OPHN1: variants seen among roughly 807,000 people sequenced by gnomAD.
OPHN1 encodes the protein oligophrenin-1.
A neutral mutation model predicts 60.7 loss-of-function variants in OPHN1; 11 were observed. That is an observed-to-expected ratio of 0.18 (90% CI 0.11 to 0.30). The LOEUF (loss-of-function observed/expected upper bound fraction) is 0.30, where lower values mean the gene tolerates loss of function less well. OPHN1 is among the 10% of genes least tolerant of loss of function. OPHN1 has a pLI of 1.00. For missense variants in OPHN1, 449 were observed against 611.0 expected (o/e 0.73, Z 2.80); for synonymous variants, 226 against 222.6 (o/e 1.02, Z -0.14).
intron 2 of OPHN1, among the ~76,000 whole-genome samples, chrX:68,413,327 G>A (rs748482389): frequency 9.0e-6 from 1 of 111,273 alleles, no homozygotes; most frequent in Non-Finnish European, 1.9e-5. Flanking sequence ...CTGCAGCTTC[G>A]TCTATCAGAA....
chrX:68,310,988 C>T (rs1024477706), intron 2 of OPHN1, among the ~76,000 whole-genome samples: 1 of 112,320 alleles, frequency 8.9e-6, no homozygotes, highest in African/African-American at 3.2e-5. Flanking sequence ...GGTGCCATGG[C>T]TCATGCCTGT....
chrX:68,335,209 T>A (rs5965550), intron 2 of OPHN1, among the ~76,000 whole-genome samples: 35,756 of 107,082 alleles, frequency 0.33, 8,037 homozygotes, highest in African/African-American at 0.81. Context: ...GAAGATACGT[T>A]AGGTGCCCAA....
In OPHN1 at chrX:68,048,175, T is replaced by C. The variant is rs2768572; in HGVS notation, c.*8+241A>G. 0.21 allele frequency among the ~76,000 whole-genome samples: 23,121 copies of C among 111,147 alleles called. 2,969 individuals carry two copies. Among genetic ancestry groups the C allele is most frequent in the African/African-American group, 0.47 (14,243 of 30,338 alleles). On this transcript the variant is annotated intron_variant, in intron 24 of 24. Transcript: ENST00000355520. ...GATTCAAAGGCAATCTGTAAAAGCG[T>C]GCCATAGTTTGGCTAGGAGAAAAAG...
rs182234024 is a variant in OPHN1 at position 68,269,177 on chromosome X, G to C, written c.384+5561C>G. Among the ~76,000 whole-genome samples the C allele has an allele frequency of 5.7e-3, 639 of 111,574 alleles. 7 individuals are homozygous for C. The highest frequency in any genetic ancestry group is 0.02 in the African/African-American group (606 of 30,714). ...GCCATACTGCCCAAGGTAATTTATA[G>C]ATTCAATGCCATCTCCATCAAGCTA... On this transcript the variant is annotated intron_variant, in intron 5 of 24. Transcript: ENST00000355520.
intron 6 of OPHN1, among the ~76,000 whole-genome samples, chrX:68,229,190 C>G (rs1443472123): frequency 4.5e-5 from 5 of 111,177 alleles, no homozygotes; most frequent in African/African-American, 1.3e-4. Context: ...AAATACCTAG[C>G]AATCCAACTT....
At chrX:68,116,917 A>G (rs763404869) in intron 16 of OPHN1, among the ~76,000 whole-genome samples, 8 of 111,660 alleles carry the variant, frequency 7.2e-5, no homozygotes, top group Admixed American at 6.7e-4. Flanking sequence ...TAGTCCAAGC[A>G]TGAGCATCAT....
At chrX:68,267,818 T>C (rs1260111691) in intron 5 of OPHN1, among the ~76,000 whole-genome samples, 2 of 110,794 alleles carry the variant, frequency 1.8e-5, no homozygotes, top group Admixed American at 1.9e-4. Context: ...GAGAGAAGTA[T>C]CAAATAGATG....
At chrX:68,288,455 G>A (rs1453546676) in intron 3 of OPHN1, among the ~76,000 whole-genome samples, 1 of 111,499 alleles carries the variant, frequency 9.0e-6, no homozygotes, top group Non-Finnish European at 1.9e-5. Context: ...CATATCTATA[G>A]CAAATCAAGA....
At chrX:68,341,954 A>C (rs1457791625) in intron 2 of OPHN1, among the ~76,000 whole-genome samples, 1 of 108,360 alleles carries the variant, frequency 9.2e-6, no homozygotes, top group African/African-American at 3.5e-5. Flanking sequence ...AATGAAAAAA[A>C]GTTAATTTTT....
At chrX:68,419,379 C>G in intron 2 of OPHN1, among the ~76,000 whole-genome samples, 1 of 109,766 alleles carries the variant, frequency 9.1e-6, no homozygotes, top group Non-Finnish European at 1.9e-5. Flanking sequence ...CCCCGCACTT[C>G]CCCATTTAGT....
At chrX:68,070,181 C>A (rs1569202582) in intron 20 of OPHN1, among the ~76,000 whole-genome samples, 1 of 111,529 alleles carries the variant, frequency 9.0e-6, no homozygotes, top group East Asian at 2.8e-4. Context: ...AGTAGTGAAA[C>A]AGTGACAAAG....
intron 19 of OPHN1, among the ~76,000 whole-genome samples, chrX:68,077,943 T>C (rs1252289998): frequency 8.9e-6 from 1 of 112,109 alleles, no homozygotes; most frequent in East Asian, 2.8e-4. Context: ...ATGGCCTCTG[T>C]CATGTTAGGC....
intron 19 of OPHN1, among the ~76,000 whole-genome samples, chrX:68,081,571 C>T (rs916796344): frequency 3.6e-5 from 4 of 111,755 alleles, no homozygotes; most frequent in Non-Finnish European, 7.5e-5. Flanking sequence ...TTTCATGGTG[C>T]TTATACTATA....
At position 68,304,445 on chromosome X, in the gene OPHN1, C is replaced by T. The variant is rs1052281690; in HGVS notation, c.155-5349G>A. 7.3e-5 allele frequency among the ~76,000 whole-genome samples: 8 copies of T among 108,935 alleles called. No individual in the cohort carries two copies. The East Asian group carries it at 1.8e-3, about 24-fold the overall frequency. The allele number at this position is 108,935 out of a possible 115,157, so 94.6% of individuals were successfully genotyped here. A position where few individuals can be genotyped will look rare whatever the true frequency, so the allele number is the denominator to read the frequency against. On this transcript the variant is annotated intron_variant, in intron 2 of 24. Coordinates refer to ENST00000355520, the MANE Select transcript of OPHN1 (RefSeq NM_002547.3). ...ATAAATGTCATATATTTATTATTTG[C>T]GTATCTTTTTTTCAAGAAGGGTCTG...
At chrX:68,213,541 T>C (rs1419874242) in intron 7 of OPHN1, among the ~76,000 whole-genome samples, 3 of 107,063 alleles carry the variant, frequency 2.8e-5, no homozygotes, top group Non-Finnish European at 3.8e-5. Flanking sequence ...CAGAAGCTTC[T>C]GAAAGCGCAA....
chrX:68,091,508 T>C (rs1293503412), intron 19 of OPHN1, among the ~76,000 whole-genome samples: 1 of 111,152 alleles, frequency 9.0e-6, no homozygotes, highest in Non-Finnish European at 1.9e-5. Flanking sequence ...CAAGCAGGAA[T>C]GGAGCTGCAG....
intron 2 of OPHN1, among the ~76,000 whole-genome samples, chrX:68,403,413 G>A (rs972046043): frequency 8.9e-6 from 1 of 112,069 alleles, no homozygotes; most frequent in Non-Finnish European, 1.9e-5. Context: ...CTTTCCTAGA[G>A]AGAAGGGTAG....
intron 21 of OPHN1, among the ~76,000 whole-genome samples, chrX:68,060,733 A>T (rs1287098771): frequency 3.6e-5 from 4 of 111,793 alleles, no homozygotes; most frequent in Non-Finnish European, 7.5e-5. Flanking sequence ...CTGTGTACTG[A>T]TCCTCAGGAT....
chrX:68,084,983 A>C (rs1470729567), intron 19 of OPHN1, among the ~76,000 whole-genome samples: 4 of 112,512 alleles, frequency 3.6e-5, no homozygotes, highest in African/African-American at 9.7e-5. Flanking sequence ...CATCCTTCCC[A>C]AAGCTGGCCT....
Sources: allele counts gnomAD v4.1 joint callset (sites outside exome capture counted in the v4.1 genomes callset), GRCh38; gene constraint gnomAD v4.1.1; transcripts MANE v1.5; gene names NCBI Gene and HGNC (gene_info 2026-07-23, HGNC 2026-07-21).